SLC38A10: variants seen among roughly 807,000 people sequenced by gnomAD.
SLC38A10 encodes solute carrier family 38 member 10.
Under a neutral mutation model 81.0 loss-of-function variants are expected in SLC38A10, and 53 were observed. The observed-to-expected ratio is 0.65, with a 90% confidence interval of 0.53 to 0.82. The LOEUF (loss-of-function observed/expected upper bound fraction) is 0.82, where lower values mean the gene tolerates loss of function less well. Among genes scored for constraint, SLC38A10 ranks in the 40% least tolerant of loss-of-function variants. The pLI, the probability that SLC38A10 is intolerant of heterozygous loss-of-function variation, is 0.00. For synonymous variants in SLC38A10, 665 were observed against 655.3 expected (o/e 1.01, Z -0.23); for missense variants, 1,471 against 1,545.0 (o/e 0.95, Z 0.80).
At chr17:81,251,054 TGGGTCCCCTTG>T (rs895613878) in intron 14 of SLC38A10, 17 of 1,442,724 alleles carry the variant, frequency 1.2e-5, no homozygotes, top group Non-Finnish European at 1.4e-5. Context: ...ACCCCCAAAC[TGGGTCCCCTTG>T]GGGCACAGCC....
chr17:81,294,842 A>T lies in SLC38A10; in HGVS notation c.80T>A (p.Met27Lys), dbSNP rs964645804. The change falls in exon 1 of 16, where the codon ATG (methionine) becomes AAG (lysine). Residue 27 changes from methionine (M) to lysine (K), a missense_variant. This residue lies in a region of SLC38A10 where 720 missense variants were observed against 827.7 expected (regional missense o/e 0.87). Coordinates refer to ENST00000374759, the MANE Select transcript of SLC38A10 (RefSeq NM_001037984.3). Reference protein sequence around the residue: ...NSIVGVSVLTMPFCFKQCGIV... With the variant: ...NSIVGVSVLTKPFCFKQCGIV... Reference sequence around the variant, plus strand: ...ACTCACCTGTTTGAAGCAGAAGGGCATGGTGAGGACACTGACCCCTACGAT... The same window carrying T: ...ACTCACCTGTTTGAAGCAGAAGGGCTTGGTGAGGACACTGACCCCTACGAT... 1 of 1,595,012 alleles carries T rather than the reference A, an allele frequency of 6.3e-7. No individual in the cohort carries two copies. Among genetic ancestry groups the T allele is most frequent in the African/African-American group, 1.4e-5 (1 of 72,860 alleles).
At chr17:81,255,612 G>A (rs868697093) in intron 11 of SLC38A10, among the ~76,000 whole-genome samples, 5 of 152,214 alleles carry the variant, frequency 3.3e-5, no homozygotes, top group East Asian at 1.9e-4. Flanking sequence ...AGGCGGCCAC[G>A]GCCAAGGGGG....
Position 81,251,563 on chromosome 17 carries a change from C to T in SLC38A10, c.1995G>A (p.Leu665=), listed in dbSNP as rs781578763. 3.2e-5 allele frequency: 48 copies of T among 1,502,372 alleles called. No individual in the cohort carries two copies. The African/African-American group carries it at 6.3e-4, about 20-fold the overall frequency. The allele number at this position is 1,502,372 out of a possible 1,614,324, so 93.1% of individuals were successfully genotyped here. A position where few individuals can be genotyped will look rare whatever the true frequency, so the allele number is the denominator to read the frequency against. The change falls in exon 14 of 16, where the codon CTG becomes CTA. Residue 665 remains leucine (L), a synonymous_variant. Coordinates refer to ENST00000374759, the MANE Select transcript of SLC38A10 (RefSeq NM_001037984.3). ...CCCTCTGCTCGCGAGGCTCGGGCGGCAGCCCAGGCCCTGGAGCCGGCTTCT... is the reference window on the plus strand; with the variant it reads ...CCCTCTGCTCGCGAGGCTCGGGCGGTAGCCCAGGCCCTGGAGCCGGCTTCT... ...PAEKPAPGPG[L]PPEPREQRDV...
chr17:81,275,614 C>T (rs1048318405), intron 8 of SLC38A10, among the ~76,000 whole-genome samples: 3 of 149,536 alleles, frequency 2.0e-5, no homozygotes, highest in African/African-American at 7.5e-5. Context: ...CGCCTGTAGT[C>T]CCAGCTACAC....
Position 81,260,894 on chromosome 17 carries a change from C to T in SLC38A10, c.1132-500G>A, listed in dbSNP as rs143899206. Among the ~76,000 whole-genome samples the T allele has an allele frequency of 2.4e-3, 371 of 152,390 alleles. 4 individuals carry two copies. The highest frequency in any genetic ancestry group is 8.0e-3 in the African/African-American group (332 of 41,596). ...ACTTGAGCGTCCCCGTCCATGCTGTCCGCAAAGCGAGTGCTCCTGCACAAC... is the reference window on the plus strand; with the variant it reads ...ACTTGAGCGTCCCCGTCCATGCTGTTCGCAAAGCGAGTGCTCCTGCACAAC... On this transcript the variant is annotated intron_variant, in intron 10 of 15. Transcript: ENST00000374759.
chr17:81,282,143 C>T (rs1270065871), intron 5 of SLC38A10, 46 bp downstream of exon 5: 1 of 1,607,744 alleles, frequency 6.2e-7, no homozygotes. Flanking sequence ...AAAGAATGGG[C>T]CAGGAGCAGC....
chr17:81,284,815 G>A (rs80261071), intron 3 of SLC38A10, 35 bp downstream of exon 3: 118,263 of 1,498,628 alleles, frequency 0.079, 5,049 homozygotes, highest in East Asian at 0.12. Flanking sequence ...GGGTGCGGGG[G>A]TGGGGGGCAA....
At position 81,246,233 on chromosome 17, in the gene SLC38A10, GT is replaced by G. The variant is rs1475336195; in HGVS notation, c.2682del (p.Lys894AsnfsTer14). ...DVTGGSQDRK[K>X]PGKEVAATGT... is the part of the protein sequence containing the mutation. ...CCAGTGGCTGCCACCTCCTTCCCAG[GT>G]TTTTTCCTGTCTTGGGAACCGCCAG... On this transcript the variant is annotated frameshift_variant, in exon 16 of 16. Transcript: ENST00000374759. LOFTEE classifies it low-confidence loss of function (END_TRUNC). 6.2e-7 allele frequency: 1 copy of G among 1,612,688 alleles called. No individual in the cohort carries two copies. The highest frequency in any genetic ancestry group is 8.5e-7 in the Non-Finnish European group (1 of 1,179,936).
rs1276515428 is a variant in SLC38A10, at chr17:81,286,364, G to A, written c.218-1469C>T. Reference sequence around the variant, plus strand: ...GAAATCAGGGCAGCACTCTCTTCTGGTTCCCAGGACAACGTCCTGAGAGCC... The same window carrying A: ...GAAATCAGGGCAGCACTCTCTTCTGATTCCCAGGACAACGTCCTGAGAGCC... On this transcript the variant is annotated intron_variant, in intron 2 of 15. Coordinates refer to ENST00000374759, the MANE Select transcript of SLC38A10 (RefSeq NM_001037984.3). This position sits in a 1 kb window ranked among gnomAD's most constrained non-coding sequence, Gnocchi z 6.0. 6.6e-6 allele frequency among the ~76,000 whole-genome samples: 1 copy of A among 152,092 alleles called. No homozygotes were observed. The highest frequency in any genetic ancestry group is 1.5e-5 in the Non-Finnish European group (1 of 68,010).
At chr17:81,280,807 C>T (rs1244371093) in intron 5 of SLC38A10, 74 bp from the exon 6 acceptor site, 29 of 1,529,576 alleles carry the variant, frequency 1.9e-5, no homozygotes, top group South Asian at 2.5e-5. Flanking sequence ...GCCCACGCGC[C>T]GCTAGGAAGG....
At chr17:81,285,064 A>G in intron 2 of SLC38A10, 169 bp from the exon 3 acceptor site, 2 of 501,484 alleles carry the variant, frequency 4.0e-6, no homozygotes, top group Non-Finnish European at 7.2e-6. Flanking sequence ...TTTTGGATCT[A>G]CTGTCTGCAA....
chr17:81,282,173 C>G lies in SLC38A10; in HGVS notation c.501+16G>C. 1 of 1,612,346 alleles carries G rather than the reference C, an allele frequency of 6.2e-7. No homozygotes were observed. Among genetic ancestry groups the G allele is most frequent in the East Asian group, 2.2e-5 (1 of 44,822 alleles). Reference sequence around the variant, plus strand: ...AGCAGCCTTTCAGCGGGTACCCACGCGCGCTGCCGACTCACCACGAACATG... The same window carrying G: ...AGCAGCCTTTCAGCGGGTACCCACGGGCGCTGCCGACTCACCACGAACATG... On this transcript the variant is annotated intron_variant, in intron 5 of 15. Transcript: ENST00000374759.
chr17:81,253,172 CCTCT>C lies in SLC38A10; in HGVS notation c.1353_1356del (p.Glu452SerfsTer56). 6 of 1,613,946 alleles carry C rather than the reference CCTCT, an allele frequency of 3.7e-6. No individual in the cohort carries two copies. The highest frequency in any genetic ancestry group is 5.1e-6 in the Non-Finnish European group (6 of 1,180,036). On this transcript the variant is annotated frameshift_variant, in exon 12 of 16. Transcript: ENST00000374759. LOFTEE classifies it high-confidence loss of function. This position sits in a 1 kb window ranked among gnomAD's most constrained non-coding sequence, Gnocchi z 4.1. ...CCCTTGATCTGGGCCTGCTCCAGCT[CCTCT>C]CTCTCCTTCGGCAGCTTCGGCTTCT...
intron 10 of SLC38A10, among the ~76,000 whole-genome samples, chr17:81,261,933 C>T (rs2063027703): frequency 6.6e-6 from 1 of 152,246 alleles, no homozygotes; most frequent in African/African-American, 2.4e-5. Flanking sequence ...CCACAGAGCT[C>T]TGCCCCGCCC....
Position 81,295,089 on chromosome 17 carries a change from C to T in SLC38A10, c.-168G>A, listed in dbSNP as rs1567953028. On this transcript the variant is annotated 5_prime_UTR_variant, in exon 1 of 16. Coordinates refer to ENST00000374759, the MANE Select transcript of SLC38A10 (RefSeq NM_001037984.3). ...GAGCCTGAGCAGGCGCGGGCGCGGG[C>T]CCCAGAGGCTGCCTGGAGGAGGCAG... is the stretch of plus-strand genomic sequence containing the variant. 2 of 1,223,930 alleles carry T rather than the reference C, an allele frequency of 1.6e-6. No individual in the cohort carries two copies. Among genetic ancestry groups the T allele is most frequent in the Non-Finnish European group, 2.1e-6 (2 of 970,878 alleles). 75.8% of individuals were successfully genotyped at this position (1,223,930 alleles called of 1,614,324 possible). A position where few individuals can be genotyped will look rare whatever the true frequency, so the allele number is the denominator to read the frequency against.
chr17:81,292,533 G>A (rs888718228), intron 1 of SLC38A10, among the ~76,000 whole-genome samples: 1 of 151,762 alleles, frequency 6.6e-6, no homozygotes, highest in South Asian at 2.1e-4. Flanking sequence ...TCCCCAAATC[G>A]CCTGCTGGCG....
rs1299075860 is a variant in SLC38A10, at chr17:81,288,896, G to A, written c.217+795C>T. On this transcript the variant is annotated intron_variant, in intron 2 of 15. Coordinates refer to ENST00000374759, the MANE Select transcript of SLC38A10 (RefSeq NM_001037984.3). This position sits in a 1 kb window ranked among gnomAD's most constrained non-coding sequence, Gnocchi z 5.4. ...GAGAGAGCAGGTCTGCACCAGCACG[G>A]TGAGGACGGCTGTCTTGGTCTGAGT... 1 of 152,358 alleles carries A rather than the reference G, an allele frequency of 6.6e-6. No individual in the cohort carries two copies. Among genetic ancestry groups the A allele is most frequent in the Non-Finnish European group, 1.5e-5 (1 of 68,086 alleles). 9.4% of individuals were successfully genotyped at this position (152,358 alleles called of 1,614,324 possible). A position where few individuals can be genotyped will look rare whatever the true frequency, so the allele number is the denominator to read the frequency against.
Position 81,251,439 on chromosome 17 carries a change from G to A in SLC38A10, c.2065+54C>T, listed in dbSNP as rs200011449. 2.2e-3 allele frequency: 3,573 copies of A among 1,608,320 alleles called. 4 individuals carry two copies. The highest frequency in any genetic ancestry group is 2.6e-3 in the Non-Finnish European group (3,065 of 1,178,346). On this transcript the variant is annotated intron_variant, in intron 14 of 15. Coordinates refer to ENST00000374759, the MANE Select transcript of SLC38A10 (RefSeq NM_001037984.3). ...TGGGCATCACCCCAGGGCTGGGGGAGGGGGCTGCCGCTCCCTGGGCCTGAG... is the reference window on the plus strand; with the variant it reads ...TGGGCATCACCCCAGGGCTGGGGGAAGGGGCTGCCGCTCCCTGGGCCTGAG...
At chr17:81,290,772 C>A (rs1191053063) in intron 1 of SLC38A10, among the ~76,000 whole-genome samples, 2 of 152,106 alleles carry the variant, frequency 1.3e-5, no homozygotes, top group Non-Finnish European at 2.9e-5. Flanking sequence ...CTTTGGGAGG[C>A]CGAGGTGGGC....
Sources: allele counts gnomAD v4.1 joint callset (sites outside exome capture counted in the v4.1 genomes callset), GRCh38; gene constraint gnomAD v4.1.1; regional missense constraint gnomAD v4.1.1; non-coding constraint Gnocchi (gnomAD v3.1); transcripts MANE v1.5; gene names NCBI Gene and HGNC (gene_info 2026-07-23, HGNC 2026-07-21).